COL6A6: variants seen among roughly 807,000 people sequenced by gnomAD.
The protein encoded by COL6A6 is collagen alpha-6(VI) chain.
Under a neutral mutation model 208.6 loss-of-function variants are expected in COL6A6, and 183 were observed. The ratio of observed to expected loss-of-function variants is 0.88; its 90% confidence interval spans 0.78 to 0.99. The LOEUF (loss-of-function observed/expected upper bound fraction) is 0.99. COL6A6 is among the 50% of genes least tolerant of loss of function. The probability of loss-of-function intolerance (pLI) is 0.00; values close to 1 mark genes in which losing one functional copy is unlikely to be tolerated. For synonymous variants in COL6A6, 973 were observed against 1,011.8 expected, an observed-to-expected ratio of 0.96 and a Z score of 0.73; for missense variants, 2,816 against 2,815.2, an observed-to-expected ratio of 1.00 and a Z score of -0.01.
intron 1 of COL6A6, among the ~76,000 whole-genome samples, chr3:130,541,472 A>G (rs771440289): frequency 7.9e-5 from 12 of 152,364 alleles, no homozygotes; most frequent in Middle Eastern, 3.4e-3. Context: ...TTTTGTGTGG[A>G]CATAAGTTTT....
chr3:130,635,120 A>C (rs1026040372), intron 27 of COL6A6, among the ~76,000 whole-genome samples: 1 of 152,116 alleles, frequency 6.6e-6, no homozygotes, highest in Non-Finnish European at 1.5e-5. Context: ...CTGTAGTCCC[A>C]GCTACTCAGG....
At position 130,568,355 on chromosome 3, in the gene COL6A6, G is replaced by A. The variant is rs373191962; in HGVS notation, c.2152G>A (p.Ala718Thr). Residue 718 changes from alanine (A) to threonine (T), a missense_variant, in exon 6 of 37, where the codon GCC becomes ACC. Physicochemically the swap from Ala to Thr is moderately conservative, Grantham distance 58 (BLOSUM62 0). Coordinates refer to ENST00000358511, the MANE Select transcript of COL6A6 (RefSeq NM_001102608.3). ...VSQYFSPTKG[A>T]RPNIRKFLIL... ...TCAGTACTTCAGCCCCACCAAGGGC[G>A]CCCGGCCCAACATCAGAAAGTTTCT... The A allele has an allele frequency of 1.5e-4, 242 of 1,613,930 alleles. 1 individual carries two copies. The highest frequency in any genetic ancestry group is 1.2e-3 in the South Asian group (107 of 91,084).
chr3:130,613,124 C>G (rs996205314), intron 23 of COL6A6, among the ~76,000 whole-genome samples: 2 of 152,066 alleles, frequency 1.3e-5, no homozygotes, highest in Admixed American at 6.6e-5. Context: ...CTAGGTTATC[C>G]TCCAGGGTTT....
At chr3:130,564,913 A>G (rs2107880908) in intron 3 of COL6A6, 81 bp from the exon 4 acceptor site, 3 of 1,478,562 alleles carry the variant, frequency 2.0e-6, no homozygotes, top group East Asian at 2.3e-5. Context: ...GCTCTGCTGT[A>G]TGGTCTTCAT....
chr3:130,555,269 CCTCACCTGTTGAA>C (rs1032780146), intron 1 of COL6A6, among the ~76,000 whole-genome samples: 13 of 152,170 alleles, frequency 8.5e-5, no homozygotes, highest in African/African-American at 3.1e-4. Flanking sequence ...GCAAGTTGCT[CCTCACCTGTTGAA>C]CTCACCCCTT....
chr3:130,564,916 G>A (rs1018253384), intron 3 of COL6A6, 78 bp from the exon 4 acceptor site: 1 of 1,502,740 alleles, frequency 6.7e-7, no homozygotes, highest in African/African-American at 1.4e-5. Flanking sequence ...CTGCTGTATG[G>A]TCTTCATGCC....
intron 34 of COL6A6, 98 bp downstream of exon 34, chr3:130,658,870 T>C (rs527649784): frequency 3.0e-5 from 25 of 831,288 alleles, no homozygotes; most frequent in Non-Finnish European, 4.4e-5. Context: ...GGGATACTTA[T>C]GGCCTTGGGA....
intron 12 of COL6A6, chr3:130,589,894 GTAAC>G (rs1253098861): frequency 2.7e-6 from 1 of 366,284 alleles, no homozygotes; most frequent in African/African-American, 2.1e-5. Context: ...AGATAGCACT[GTAAC>G]TCCCAAATCA....
intron 23 of COL6A6, 146 bp from the exon 24 acceptor site, chr3:130,621,675 G>A (rs1007957544): frequency 1.4e-5 from 8 of 568,178 alleles, no homozygotes; most frequent in African/African-American, 9.5e-5. Context: ...TTATTTGATG[G>A]TGGCAATACT....
intron 1 of COL6A6, among the ~76,000 whole-genome samples, chr3:130,547,034 AGCTGCCCGCCAGTCCTGC>A (rs753367095): frequency 1.8e-4 from 27 of 152,252 alleles, no homozygotes; most frequent in Non-Finnish European, 3.5e-4. Flanking sequence ...CAGCAGGTGG[AGCTGCCCGCCAGTCCTGC>A]GCGGCCTGCC....
chr3:130,647,672 T>G (rs1443839080), intron 32 of COL6A6, among the ~76,000 whole-genome samples: 1 of 152,234 alleles, frequency 6.6e-6, no homozygotes, highest in Non-Finnish European at 1.5e-5. Context: ...AAGGCCCAGT[T>G]GGCCCATGGC....
intron 1 of COL6A6, among the ~76,000 whole-genome samples, chr3:130,531,409 A>G (rs2062092475): frequency 6.6e-6 from 1 of 152,172 alleles, no homozygotes; most frequent in South Asian, 2.1e-4. Context: ...GGAATGGAAA[A>G]TCTCCAGGTG....
intron 23 of COL6A6, among the ~76,000 whole-genome samples, chr3:130,619,637 G>C (rs552332618): frequency 4.6e-5 from 7 of 152,326 alleles, no homozygotes; most frequent in African/African-American, 1.7e-4. Flanking sequence ...CCTGGCTACA[G>C]TTAGGAGAGC....
At chr3:130,579,307 T>A (rs1302490342) in intron 8 of COL6A6, among the ~76,000 whole-genome samples, 1 of 151,930 alleles carries the variant, frequency 6.6e-6, no homozygotes. Context: ...CAATTCACTC[T>A]TTTCTGTGCT....
chr3:130,569,772 C>T (rs538671917), intron 6 of COL6A6, among the ~76,000 whole-genome samples: 9 of 152,332 alleles, frequency 5.9e-5, no homozygotes, highest in East Asian at 1.9e-4. Context: ...AGTTCTTCTA[C>T]GTAAATTCCC....
intron 34 of COL6A6, among the ~76,000 whole-genome samples, chr3:130,661,159 C>A (rs1239360968): frequency 1.3e-5 from 2 of 152,170 alleles, no homozygotes; most frequent in East Asian, 3.8e-4. Flanking sequence ...CATAGGTAGA[C>A]ACTGAGTTAT....
chr3:130,595,015 G>A (rs1278081250), intron 18 of COL6A6, among the ~76,000 whole-genome samples: 2 of 152,104 alleles, frequency 1.3e-5, no homozygotes, highest in Non-Finnish European at 2.9e-5. Context: ...GATGAGATAT[G>A]GGAGGAGACA....
chr3:130,661,535 TAAC>T, intron 34 of COL6A6, 99 bp from the exon 35 acceptor site: 2 of 895,590 alleles, frequency 2.2e-6, no homozygotes, highest in East Asian at 5.1e-5. Flanking sequence ...GTCACTATTT[TAAC>T]ATCAAAGACT....
intron 1 of COL6A6, among the ~76,000 whole-genome samples, chr3:130,559,647 A>T (rs2062837457): frequency 6.6e-6 from 1 of 152,214 alleles, no homozygotes; most frequent in African/African-American, 2.4e-5. Flanking sequence ...AATGCATTTA[A>T]TATCCTGCTT....
Sources: allele counts gnomAD v4.1 joint callset (sites outside exome capture counted in the v4.1 genomes callset), GRCh38; gene constraint gnomAD v4.1.1; transcripts MANE v1.5; gene names NCBI Gene and HGNC (gene_info 2026-07-23, HGNC 2026-07-21).